CRTC3: variants seen among roughly 807,000 people sequenced by gnomAD.
The protein encoded by CRTC3 is CREB-regulated transcription coactivator 3.
A neutral mutation model predicts 74.5 loss-of-function variants in CRTC3; 26 were observed. That is an observed-to-expected ratio of 0.35 (90% CI 0.26 to 0.48). The LOEUF (loss-of-function observed/expected upper bound fraction) is 0.48. Among genes scored for constraint, CRTC3 ranks in the 20% least tolerant of loss-of-function variants. The probability of loss-of-function intolerance (pLI) is 0.99; values close to 1 mark genes in which losing one functional copy is unlikely to be tolerated. For missense variants in CRTC3, 760 were observed against 787.3 expected (o/e 0.97, Z 0.41); for synonymous variants, 377 against 325.8 (o/e 1.16, Z -1.69).
chr15:90,643,731 G>C lies in CRTC3; in HGVS notation c.*1591G>C, dbSNP rs1333303114. The C allele has an allele frequency of 8.6e-6, 2 of 232,676 alleles. No homozygotes were observed. The highest frequency in any genetic ancestry group is 1.7e-5 in the Non-Finnish European group (2 of 117,816). The allele number at this position is 232,676 out of a possible 1,614,324, so 14.4% of individuals were successfully genotyped here. On this transcript the variant is annotated 3_prime_UTR_variant, in exon 15 of 15. Transcript: ENST00000268184. ...GGGGGCAGAGCACTGCAGGGGGAGG[G>C]GGGGGTCTAGGCTGTGAGAGGACAG...
intron 11 of CRTC3, among the ~76,000 whole-genome samples, chr15:90,630,154 C>T (rs1219643688): frequency 6.6e-6 from 1 of 152,116 alleles, no homozygotes; most frequent in Non-Finnish European, 1.5e-5. Flanking sequence ...ATAGAGAATG[C>T]CATCCAGGTA....
chr15:90,551,069 C>T (rs565111235), intron 2 of CRTC3, among the ~76,000 whole-genome samples: 2 of 152,206 alleles, frequency 1.3e-5, no homozygotes, highest in East Asian at 3.9e-4. Flanking sequence ...TTCTTCATGC[C>T]ATCTGGACAG....
Position 90,642,592 on chromosome 15 carries a change from C to T in CRTC3, c.*452C>T. 1 of 287,066 alleles carries T rather than the reference C, an allele frequency of 3.5e-6. No homozygotes were observed. Among genetic ancestry groups the T allele is most frequent in the Admixed American group, 4.7e-5 (1 of 21,164 alleles). 17.8% of individuals were successfully genotyped at this position (287,066 alleles called of 1,614,324 possible). ...CGGCACCGGAGAGGGCACCTCGATG[C>T]CTGCTCTGACCTGACCCAGAGGGCG... On this transcript the variant is annotated 3_prime_UTR_variant, in exon 15 of 15. Coordinates refer to ENST00000268184, the MANE Select transcript of CRTC3 (RefSeq NM_022769.5).
chr15:90,631,743 T>TAAA (rs1567194306), intron 11 of CRTC3, among the ~76,000 whole-genome samples: 15 of 129,572 alleles, frequency 1.2e-4, no homozygotes, highest in African/African-American at 3.5e-4. Flanking sequence ...AAAAAAAAAT[T>TAAA]AGAATTAAAA....
In CRTC3 at chr15:90,633,838, T is replaced by C. The variant is rs1190863284; in HGVS notation, c.1266+4306T>C. ...TTGTTTTGCTTTGCTTTCTGGAAGA[T>C]TGTCTCAGCTTTATCTTCCAACACT... On this transcript the variant is annotated intron_variant, in intron 11 of 14. Coordinates refer to ENST00000268184, the MANE Select transcript of CRTC3 (RefSeq NM_022769.5). Among the ~76,000 whole-genome samples, 3 of 152,140 alleles carry C rather than the reference T, an allele frequency of 2.0e-5. 1 individual carries two copies. The highest frequency in any genetic ancestry group is 4.2e-4 in the South Asian group (2 of 4,816).
chr15:90,631,205 C>T (rs529652198), intron 11 of CRTC3, among the ~76,000 whole-genome samples: 3 of 152,222 alleles, frequency 2.0e-5, no homozygotes, highest in Non-Finnish European at 4.4e-5. Context: ...CTAGCCGTGG[C>T]GTGTTGATCG....
At chr15:90,576,839 G>C (rs1156984804) in intron 2 of CRTC3, among the ~76,000 whole-genome samples, 1 of 152,160 alleles carries the variant, frequency 6.6e-6, no homozygotes, top group Non-Finnish European at 1.5e-5. Flanking sequence ...CAGAGGGATG[G>C]GGGCTGAGGT....
Position 90,622,174 on chromosome 15 carries a change from G to A in CRTC3, c.749+2384G>A, listed in dbSNP as rs137944405. Among the ~76,000 whole-genome samples the A allele has an allele frequency of 7.5e-4, 114 of 152,276 alleles. 2 individuals are homozygous for A. The highest frequency in any genetic ancestry group is 9.7e-4 in the Non-Finnish European group (66 of 68,024). On this transcript the variant is annotated intron_variant, in intron 9 of 14. Transcript: ENST00000268184. ...GAGGCTTGTATTGCTTGGATCTGAC[G>A]CAGAGAAGATGGGAGTCGTTAGAGG...
At position 90,641,950 on chromosome 15, in the gene CRTC3, T is replaced by C. The variant is rs1969461337; in HGVS notation, c.1670T>C (p.Leu557Pro). ...CTTTCAGAAGACTCCAGCACCAGCC[T>C]GTTCAAAGACCTCAACAGTGCGCTG... is the stretch of plus-strand genomic sequence containing the variant. ...TILPEDSSTS[L>P]FKDLNSALAG... Residue 557 changes from leucine (L) to proline (P), a missense_variant, in exon 15 of 15, where the codon CTG becomes CCG. Leu to Pro is a moderately conservative substitution (Grantham distance 98). This residue lies in a region of CRTC3 where 652 missense variants were observed against 635.2 expected (regional missense o/e 1.03). Transcript: ENST00000268184. 6.2e-7 allele frequency: 1 copy of C among 1,613,608 alleles called. No homozygotes were observed. Among genetic ancestry groups the C allele is most frequent in the Non-Finnish European group, 8.5e-7 (1 of 1,179,872 alleles).
At chr15:90,531,822 T>G (rs1405365267) in intron 1 of CRTC3, among the ~76,000 whole-genome samples, 1 of 152,206 alleles carries the variant, frequency 6.6e-6, no homozygotes, top group Non-Finnish European at 1.5e-5. Flanking sequence ...TCTGTATACC[T>G]ATGGCGGATC....
chr15:90,554,857 A>T (rs890245752), intron 2 of CRTC3, among the ~76,000 whole-genome samples: 1 of 152,216 alleles, frequency 6.6e-6, no homozygotes, highest in Admixed American at 6.5e-5. Flanking sequence ...GTTACAAGTT[A>T]TGTTTCTTAC....
In CRTC3 at chr15:90,636,297, G is replaced by A. The variant is rs201580289; in HGVS notation, c.1267-2149G>A. ...TCTTTGACAAACCTGACAAAAACAA[G>A]AAATGGGGAAAGGATTCCCTATTTA... On this transcript the variant is annotated intron_variant, in intron 11 of 14. Transcript: ENST00000268184. 2.9e-3 allele frequency among the ~76,000 whole-genome samples: 442 copies of A among 151,320 alleles called. 8 individuals carry two copies. The highest frequency in any genetic ancestry group is 0.027 in the East Asian group (141 of 5,166).
At chr15:90,545,420 G>A (rs1030815187) in intron 2 of CRTC3, among the ~76,000 whole-genome samples, 30 of 118,008 alleles carry the variant, frequency 2.5e-4, no homozygotes, top group Admixed American at 1.1e-3. Flanking sequence ...TTTTTTTTGA[G>A]ACTGAATCTC....
intron 11 of CRTC3, among the ~76,000 whole-genome samples, chr15:90,634,227 C>T (rs1301286034): frequency 1.3e-5 from 2 of 151,982 alleles, no homozygotes; most frequent in African/African-American, 4.8e-5. Flanking sequence ...TTCTCCTGGC[C>T]TCAGCCTCCC....
chr15:90,613,438 C>A (rs1296405700), intron 6 of CRTC3, among the ~76,000 whole-genome samples: 1 of 152,088 alleles, frequency 6.6e-6, no homozygotes, highest in Non-Finnish European at 1.5e-5. Flanking sequence ...TCCTGTTGCC[C>A]CTGGGCTCTG....
chr15:90,541,441 G>T (rs904450375), intron 2 of CRTC3, among the ~76,000 whole-genome samples: 1 of 152,106 alleles, frequency 6.6e-6, no homozygotes, highest in African/African-American at 2.4e-5. Flanking sequence ...AGTACTACAT[G>T]AACATATTTG....
chr15:90,593,683 G>A lies in CRTC3; in HGVS notation c.279G>A (p.Gly93=), dbSNP rs112990767. The part of the protein sequence containing the change: ...ADNVRGTRHH[G]LVERPSRNRF... ...ATGTTCGGGGAACCCGCCATCACGG[G>A]CTGGTGGAGAGGCCATCCAGGAACC... Residue 93 remains glycine, a synonymous_variant, in exon 3 of 15, where the codon GGG becomes GGA. Transcript: ENST00000268184. The A allele has an allele frequency of 3.8e-4, 608 of 1,612,044 alleles. 4 individuals carry two copies. In the African/African-American group the frequency reaches 6.9e-3, roughly 18 times the overall value.
At chr15:90,539,745 A>G (rs1966773717) in intron 1 of CRTC3, 1 of 320,854 alleles carries the variant, frequency 3.1e-6, no homozygotes, top group Non-Finnish European at 5.8e-6. Context: ...AAATTCTTTT[A>G]TTGTTGTTAA....
At chr15:90,559,053 A>G (rs1016080221) in intron 2 of CRTC3, among the ~76,000 whole-genome samples, 4 of 151,922 alleles carry the variant, frequency 2.6e-5, no homozygotes, top group Non-Finnish European at 5.9e-5. Context: ...CGCCTGTCCT[A>G]CTATGTATTT....
Sources: gnomAD v4.1 joint callset for allele counts (sites outside exome capture counted in the v4.1 genomes callset) on GRCh38, gnomAD v4.1.1 for gene constraint, gnomAD v4.1.1 regional missense constraint, MANE v1.5 for transcripts, NCBI Gene and HGNC (gene_info 2026-07-23, HGNC 2026-07-21) for gene names.